MSH4: variants seen among roughly 807,000 people sequenced by gnomAD.
MSH4 encodes the protein mutS protein homolog 4.
In MSH4, 106 loss-of-function variants were observed where a neutral mutation model predicts 113.7. The observed-to-expected ratio is 0.93, with a 90% confidence interval of 0.80 to 1.10. MSH4 has a LOEUF of 1.10. Ranked by LOEUF, MSH4 falls within the 50% of genes least tolerant of loss-of-function variation. MSH4 has a pLI of 0.00. For missense variants in MSH4, 1,061 were observed against 1,093.7 expected (o/e 0.97, Z 0.42); for synonymous variants, 368 against 380.2 (o/e 0.97, Z 0.37).
intron 6 of MSH4, among the ~76,000 whole-genome samples, chr1:75,816,960 A>T (rs1029086408): frequency 6.6e-6 from 1 of 152,050 alleles, no homozygotes; most frequent in South Asian, 2.1e-4. Context: ...GGAGAATTTT[A>T]TTTAAGAGGT....
intron 17 of MSH4, among the ~76,000 whole-genome samples, chr1:75,896,435 T>C (rs937264070): frequency 2.0e-5 from 3 of 151,072 alleles, no homozygotes; most frequent in Non-Finnish European, 3.0e-5. Flanking sequence ...TCTAATACAG[T>C]ATCTGTTTTC....
intron 8 of MSH4, 59 bp from the exon 9 acceptor site, chr1:75,867,455 C>A (rs1035439683): frequency 2.2e-6 from 2 of 911,538 alleles, no homozygotes; most frequent in Non-Finnish European, 3.6e-6. Context: ...AAGAGGAAAA[C>A]CCATTGTTCT....
chr1:75,878,266 A>G lies in MSH4; in HGVS notation c.1488A>G (p.Glu496=), dbSNP rs577676557. The G allele has an allele frequency of 9.3e-6, 15 of 1,605,498 alleles. No individual in the cohort carries two copies. The South Asian group carries it at 1.7e-4, about 18-fold the overall frequency. ...ATGCAGTGAGGTCTAACATAAATGA[A>G]TTTCTTGACATAGCAAGAAGAACAT... is the stretch of plus-strand genomic sequence containing the variant. The part of the protein sequence containing the change: ...KCYAVRSNIN[E]FLDIARRTYT... The change falls in exon 11 of 20, where the codon GAA becomes GAG. Residue 496 remains glutamate (E), a synonymous_variant. Coordinates refer to ENST00000263187, the MANE Select transcript of MSH4 (RefSeq NM_002440.4).
chr1:75,806,235 GTTTTTTTTTTTTTTTTTTTTTT>G (rs775023850), intron 2 of MSH4, among the ~76,000 whole-genome samples: 2 of 60,748 alleles, frequency 3.3e-5, no homozygotes, highest in African/African-American at 1.5e-4. Context: ...TTTCTGTTTG[GTTTTTTTTTTTTTTTTTTTTTT>G]TTTTTTTTGA....
Position 75,912,837 on chromosome 1 carries a change from A to G in MSH4, c.2761A>G (p.Lys921Glu). ...TTTAAGTAACCTCAAGAAGAAGTAC[A>G]AAGAAGATTTTCCCAGGACTGAACA... ...IYLSNLKKKY[K>E]EDFPRTEQVP... Residue 921 changes from lysine to glutamate, a missense_variant, in exon 20 of 20, where the codon AAA becomes GAA. By Grantham distance (56) the Lys-to-Glu change is moderately conservative. Transcript: ENST00000263187. The G allele has an allele frequency of 6.3e-7, 1 of 1,581,716 alleles. No homozygotes were observed. Among genetic ancestry groups the G allele is most frequent in the African/African-American group, 1.4e-5 (1 of 73,128 alleles).
At chr1:75,906,651 G>A (rs910699087) in intron 19 of MSH4, among the ~76,000 whole-genome samples, 6 of 134,742 alleles carry the variant, frequency 4.5e-5, no homozygotes, top group Non-Finnish European at 6.1e-5. Context: ...ATTTTAAACA[G>A]ATAACTACTT....
intron 8 of MSH4, among the ~76,000 whole-genome samples, chr1:75,856,897 CCCA>C (rs1651330843): frequency 6.6e-6 from 1 of 152,178 alleles, no homozygotes; most frequent in Admixed American, 6.5e-5. Flanking sequence ...AATTTACACT[CCCA>C]CCAACAGTGT....
chr1:75,835,513 C>G (rs1466817), intron 7 of MSH4, among the ~76,000 whole-genome samples: 4,264 of 152,206 alleles, frequency 0.028, 197 homozygotes, highest in African/African-American at 0.096. Flanking sequence ...TTTCTGCTAC[C>G]AAATATGCAT....
At chr1:75,902,365 C>T (rs1342368386) in intron 19 of MSH4, among the ~76,000 whole-genome samples, 12 of 151,838 alleles carry the variant, frequency 7.9e-5, no homozygotes, top group Non-Finnish European at 1.5e-5. Flanking sequence ...CTCCTACCTT[C>T]CCCCTTTTGT....
At chr1:75,875,679 T>C (rs970292869) in intron 9 of MSH4, among the ~76,000 whole-genome samples, 4 of 152,176 alleles carry the variant, frequency 2.6e-5, no homozygotes, top group Admixed American at 1.3e-4. Flanking sequence ...TATAGCATTA[T>C]AGGTGGATAC....
In MSH4 at chr1:75,868,379, G is replaced by A. The variant is rs201961579; in HGVS notation, c.1305+791G>A. On this transcript the variant is annotated intron_variant, in intron 9 of 19. Transcript: ENST00000263187. ...CTCATCAAACTTCCACCCATTGATT[G>A]TAGAATTAATTGATGGCTCTTACCT... is the stretch of plus-strand genomic sequence containing the variant. 3.3e-5 allele frequency among the ~76,000 whole-genome samples: 5 copies of A among 152,278 alleles called. No homozygotes were observed. In the East Asian group the frequency reaches 5.8e-4, roughly 18 times the overall value.
At chr1:75,876,728 C>G (rs1465669307) in intron 9 of MSH4, among the ~76,000 whole-genome samples, 5 of 151,918 alleles carry the variant, frequency 3.3e-5, no homozygotes, top group African/African-American at 9.7e-5. Context: ...GTGGATGGCA[C>G]TAATTAGCCA....
chr1:75,897,927 A>C lies in MSH4; in HGVS notation c.2376A>C (p.Thr792=). The change falls in exon 18 of 20, where the codon ACA becomes ACC. Residue 792 remains threonine (T), a synonymous_variant. Transcript: ENST00000263187. ...LSLKAFTLFA[T]HFLELCHIDA... ...TCCAGGCATTTACACTGTTTGCTAC[A>C]CATTTCCTGGAACTATGCCATATTG... 6.4e-7 allele frequency: 1 copy of C among 1,569,150 alleles called. No homozygotes were observed. Among genetic ancestry groups the C allele is most frequent in the Non-Finnish European group, 8.6e-7 (1 of 1,158,850 alleles).
At chr1:75,849,887 A>G (rs1244316436) in intron 8 of MSH4, among the ~76,000 whole-genome samples, 2 of 152,172 alleles carry the variant, frequency 1.3e-5, no homozygotes, top group Non-Finnish European at 2.9e-5. Context: ...TCTTCAGGTT[A>G]TCTGTTTCTT....
chr1:75,816,314 G>A (rs1045275689), intron 5 of MSH4, 59 bp from the exon 6 acceptor site: 2 of 1,147,326 alleles, frequency 1.7e-6, no homozygotes, highest in Non-Finnish European at 2.3e-6. Flanking sequence ...TTCTTAAGGG[G>A]AAATAGATAA....
intron 19 of MSH4, among the ~76,000 whole-genome samples, chr1:75,907,063 TTAGAG>T (rs1447806211): frequency 1.3e-5 from 2 of 152,090 alleles, no homozygotes; most frequent in East Asian, 1.9e-4. Flanking sequence ...ATTTATAGTA[TTAGAG>T]TATTCTGAAT....
At chr1:75,841,687 A>G (rs1650962583) in intron 7 of MSH4, among the ~76,000 whole-genome samples, 1 of 152,130 alleles carries the variant, frequency 6.6e-6, no homozygotes, top group Non-Finnish European at 1.5e-5. Flanking sequence ...CCTAGAGAGT[A>G]CTGATCAAAT....
Position 75,796,984 on chromosome 1 carries a change from G to A in MSH4, c.-2G>A. 1.2e-6 allele frequency: 2 copies of A among 1,613,980 alleles called. No homozygotes were observed. Among genetic ancestry groups the A allele is most frequent in the Non-Finnish European group, 8.5e-7 (1 of 1,180,018 alleles). ...TTCTCGGGTCAGGGAAGGTTTGGGA[G>A]GATGCTGAGGCCTGAGATCTCATCA... On this transcript the variant is annotated 5_prime_UTR_variant, in exon 1 of 20. Coordinates refer to ENST00000263187, the MANE Select transcript of MSH4 (RefSeq NM_002440.4).
In MSH4 at chr1:75,797,105, G is replaced by T. The variant is rs773758038; in HGVS notation, c.120G>T (p.Gln40His). 4.3e-5 allele frequency: 69 copies of T among 1,613,924 alleles called. No homozygotes were observed. Among genetic ancestry groups the T allele is most frequent in the Non-Finnish European group, 5.3e-5 (62 of 1,179,932 alleles). Residue 40 changes from glutamine (Q) to histidine (H), a missense_variant, in exon 1 of 20, where the codon CAG becomes CAT. Physicochemically the swap from Gln to His is conservative, Grantham distance 24. Transcript: ENST00000263187. ...RYNFGLQETP[Q>H]SRPSVQVVSA... Reference sequence around the variant, plus strand: ...ATTTCGGACTCCAGGAGACTCCACAGAGCCGCCCTTCGGTCCAGGTGGTCT... The same window carrying T: ...ATTTCGGACTCCAGGAGACTCCACATAGCCGCCCTTCGGTCCAGGTGGTCT...
Sources: gnomAD v4.1 joint callset for allele counts (sites outside exome capture counted in the v4.1 genomes callset) on GRCh38, gnomAD v4.1.1 for gene constraint, MANE v1.5 for transcripts, NCBI Gene and HGNC (gene_info 2026-07-23, HGNC 2026-07-21) for gene names.